MTUS2: variants seen among roughly 807,000 people sequenced by gnomAD.
MTUS2 encodes the protein microtubule associated scaffold protein 2.
In MTUS2, 40 loss-of-function variants were observed where a neutral mutation model predicts 114.1. The ratio of observed to expected loss-of-function variants is 0.35; its 90% CI spans 0.27 to 0.46. MTUS2 has a LOEUF of 0.46. MTUS2 is among the 20% of genes least tolerant of loss of function. The pLI, the probability that MTUS2 is intolerant of heterozygous loss-of-function variation, is 1.00. For synonymous variants in MTUS2, 688 were observed against 672.0 expected (o/e 1.02, Z -0.37); for missense variants, 1,679 against 1,705.4 (o/e 0.98, Z 0.27).
intron 2 of MTUS2, among the ~76,000 whole-genome samples, chr13:28,909,912 G>A (rs979518777): frequency 2.0e-5 from 3 of 152,118 alleles, no homozygotes; most frequent in East Asian, 3.9e-4. Flanking sequence ...TTTTGTGGGT[G>A]CATAGTAAGT....
At chr13:28,824,156 G>GC (rs1333261664) in intron 1 of MTUS2, among the ~76,000 whole-genome samples, 2 of 152,146 alleles carry the variant, frequency 1.3e-5, no homozygotes, top group African/African-American at 2.4e-5. Context: ...GCTCAAGGCT[G>GC]CCCCAAAGAA....
intron 2 of MTUS2, among the ~76,000 whole-genome samples, chr13:28,874,538 T>C (rs988271537): frequency 8.5e-5 from 13 of 152,168 alleles, no homozygotes; most frequent in Non-Finnish European, 1.6e-4. Flanking sequence ...GGCTCACTTA[T>C]ATGGCTGGCT....
chr13:28,851,999 G>A (rs528376593), intron 2 of MTUS2, among the ~76,000 whole-genome samples: 2 of 152,184 alleles, frequency 1.3e-5, no homozygotes, highest in Admixed American at 1.3e-4. Context: ...ACCGGGACTT[G>A]AACCCCACAT....
chr13:29,324,116 C>T (rs1179197931), intron 6 of MTUS2, among the ~76,000 whole-genome samples: 1 of 152,202 alleles, frequency 6.6e-6, no homozygotes, highest in East Asian at 1.9e-4. Context: ...CTCTCTAGGT[C>T]ACCTCTGTGG....
At chr13:29,360,291 G>A (rs555090904) in intron 8 of MTUS2, among the ~76,000 whole-genome samples, 4 of 152,198 alleles carry the variant, frequency 2.6e-5, no homozygotes, top group Non-Finnish European at 4.4e-5. Flanking sequence ...CTCCAAATAA[G>A]AAAGTGAATT....
chr13:29,438,790 C>T (rs1196197441), intron 8 of MTUS2, among the ~76,000 whole-genome samples: 1 of 152,160 alleles, frequency 6.6e-6, no homozygotes, highest in Non-Finnish European at 1.5e-5. Context: ...AAATAGCTCT[C>T]AGTGTATTAT....
intron 5 of MTUS2, among the ~76,000 whole-genome samples, chr13:29,115,335 A>T (rs1891045949): frequency 6.6e-6 from 1 of 152,236 alleles, no homozygotes; most frequent in Non-Finnish European, 1.5e-5. Flanking sequence ...CGATGTCAAT[A>T]AAATAGCTTT....
chr13:29,453,134 T>A (rs1177216687), intron 9 of MTUS2, among the ~76,000 whole-genome samples: 2 of 152,172 alleles, frequency 1.3e-5, no homozygotes, highest in African/African-American at 4.8e-5. Context: ...CATCTTTGCT[T>A]TGTAAGATCT....
chr13:28,883,250 G>A (rs1228497763), intron 2 of MTUS2, among the ~76,000 whole-genome samples: 3 of 152,190 alleles, frequency 2.0e-5, no homozygotes, highest in South Asian at 4.1e-4. Flanking sequence ...GCACTTTCCT[G>A]TAAAGCTAAA....
chr13:29,126,708 T>C (rs543321088), intron 5 of MTUS2, among the ~76,000 whole-genome samples: 14 of 152,284 alleles, frequency 9.2e-5, no homozygotes, highest in African/African-American at 3.1e-4. Context: ...CTTCTTTCAA[T>C]GTGGCCCAGG....
chr13:29,271,238 T>A (rs1252042400), intron 5 of MTUS2, among the ~76,000 whole-genome samples: 1 of 152,192 alleles, frequency 6.6e-6, no homozygotes, highest in African/African-American at 2.4e-5. Context: ...GGGCCTAACT[T>A]GTACTTTCTG....
At chr13:29,282,093 A>T (rs981159235) in intron 6 of MTUS2, among the ~76,000 whole-genome samples, 2 of 152,262 alleles carry the variant, frequency 1.3e-5, no homozygotes, top group Admixed American at 1.3e-4. Context: ...TGAATCACAC[A>T]GTTTCCGTTT....
intron 5 of MTUS2, among the ~76,000 whole-genome samples, chr13:29,192,684 T>G (rs1339557817): frequency 6.6e-6 from 1 of 152,204 alleles, no homozygotes; most frequent in Admixed American, 6.5e-5. Flanking sequence ...TAAAAATATT[T>G]CTTAAAGTTA....
chr13:29,139,673 CATTGTCTTAT>C (rs1476284527), intron 5 of MTUS2, among the ~76,000 whole-genome samples: 7 of 152,208 alleles, frequency 4.6e-5, no homozygotes, highest in Non-Finnish European at 1.5e-5. Flanking sequence ...GTAATTATTG[CATTGTCTTAT>C]ATTATAAGGA....
chr13:29,250,584 G>A (rs1181821319), intron 5 of MTUS2: 4 of 151,328 alleles, frequency 2.6e-5, no homozygotes, highest in Non-Finnish European at 4.4e-5. Context: ...GCAGACCTGA[G>A]TATCACACCG....
intron 2 of MTUS2, among the ~76,000 whole-genome samples, chr13:28,900,342 T>C (rs977404291): frequency 6.6e-6 from 1 of 152,192 alleles, no homozygotes; most frequent in East Asian, 1.9e-4. Context: ...GTCTAATCAG[T>C]GTGGGTTCAT....
chr13:29,239,356 G>A (rs1896650692), intron 5 of MTUS2: 1 of 152,158 alleles, frequency 6.6e-6, no homozygotes, highest in African/African-American at 2.4e-5. Flanking sequence ...GGGCGGAGGT[G>A]AGGAGAGGGT....
intron 8 of MTUS2, among the ~76,000 whole-genome samples, chr13:29,439,061 G>C (rs1877634278): frequency 6.6e-6 from 1 of 152,126 alleles, no homozygotes; most frequent in Non-Finnish European, 1.5e-5. Flanking sequence ...CTAGGTATTC[G>C]GTCCACATTT....
chr13:29,272,882 A>C (rs1459724893), intron 5 of MTUS2, among the ~76,000 whole-genome samples: 1 of 152,216 alleles, frequency 6.6e-6, no homozygotes, highest in Non-Finnish European at 1.5e-5. Context: ...GAGACTGTGA[A>C]GTCCAAGATC....
Sources: gnomAD v4.1 joint callset for allele counts (sites outside exome capture counted in the v4.1 genomes callset) on GRCh38, gnomAD v4.1.1 for gene constraint, MANE v1.5 for transcripts, NCBI Gene and HGNC (gene_info 2026-07-23, HGNC 2026-07-21) for gene names.